ST14: variants seen among roughly 807,000 people sequenced by gnomAD.
The protein encoded by ST14 is ST14 transmembrane serine protease matriptase.
In ST14, 40 loss-of-function variants were observed where a neutral mutation model predicts 96.5. That is an observed-to-expected ratio of 0.41 (90% CI 0.32 to 0.54). The LOEUF is 0.54. Ranked by LOEUF, ST14 falls within the 20% of genes least tolerant of loss-of-function variation. ST14 has a pLI of 0.17. For synonymous variants in ST14, 506 were observed against 492.1 expected, an observed-to-expected ratio of 1.03 and a Z score of -0.37; for missense variants, 1,066 against 1,188.9, an observed-to-expected ratio of 0.90 and a Z score of 1.52.
At chr11:130,198,096 C>T in intron 12 of ST14, 151 bp downstream of exon 12, 2 of 890,218 alleles carry the variant, frequency 2.2e-6, no homozygotes, top group Non-Finnish European at 3.5e-6. Flanking sequence ...GGCCCCACTC[C>T]CCACCCTGCC....
chr11:130,194,613 C>T (rs368684866), intron 8 of ST14, 27 bp from the exon 9 acceptor site: 1 of 1,612,884 alleles, frequency 6.2e-7, no homozygotes. Context: ...TCCTGATCCT[C>T]TTGCTTTCTC....
intron 1 of ST14, among the ~76,000 whole-genome samples, chr11:130,166,060 A>G (rs999901339): frequency 1.3e-4 from 20 of 152,348 alleles, no homozygotes; most frequent in African/African-American, 4.3e-4. Context: ...ATCATAGACC[A>G]GCTTGTCTGG....
chr11:130,193,685 G>C (rs1953328673), intron 7 of ST14, among the ~76,000 whole-genome samples: 1 of 152,204 alleles, frequency 6.6e-6, no homozygotes, highest in Non-Finnish European at 1.5e-5. Context: ...GGCCAGGCCG[G>C]TCTCGAACTC....
At chr11:130,196,733 G>A (rs1334538996) in intron 11 of ST14, 33 bp downstream of exon 11, 1 of 1,614,132 alleles carries the variant, frequency 6.2e-7, no homozygotes, top group East Asian at 2.2e-5. Context: ...AGGGCTGGCG[G>A]GGGCCTGCAC....
chr11:130,190,705 C>CG lies in ST14; in HGVS notation c.875+17dup, dbSNP rs1205274496. The CG allele has an allele frequency of 1.9e-5, 29 of 1,563,086 alleles. No individual in the cohort carries two copies. The highest frequency in any genetic ancestry group is 7.0e-5 in the South Asian group (6 of 85,298). ...CCACGCCCTGGTGCAGTGAGTACCCCGGGGGGCGGGTAGGGCTGTGGGAGC... is the reference window on the plus strand; with the variant it reads ...CCACGCCCTGGTGCAGTGAGTACCCCGGGGGGGCGGGTAGGGCTGTGGGAGC... On this transcript the variant is annotated intron_variant, in intron 7 of 18. Transcript: ENST00000278742.
At chr11:130,189,997 G>A (rs1465317793) in intron 5 of ST14, 101 bp downstream of exon 5, 1 of 1,610,570 alleles carries the variant, frequency 6.2e-7, no homozygotes, top group Non-Finnish European at 8.5e-7. Flanking sequence ...CCAGGGCCCA[G>A]TGCCCCAGAG....
Position 130,188,337 on chromosome 11 carries a change from C to G in ST14, c.241+64C>G, listed in dbSNP as rs1056282165. 1.6e-5 allele frequency: 26 copies of G among 1,587,594 alleles called. No homozygotes were observed. The highest frequency in any genetic ancestry group is 2.7e-5 in the African/African-American group (2 of 74,592). On this transcript the variant is annotated intron_variant, in intron 2 of 18. Coordinates refer to ENST00000278742, the MANE Select transcript of ST14 (RefSeq NM_021978.4). The surrounding 1 kb of genome is among the most constrained non-coding windows in gnomAD (Gnocchi z 5.4). ...GGGGTGGCTGTCCCTCTTCCCTCAG[C>G]GGACAGACCCAGGGCCACCTACTGA...
chr11:130,200,554 C>T (rs149632949), intron 16 of ST14, among the ~76,000 whole-genome samples: 8 of 152,280 alleles, frequency 5.3e-5, no homozygotes, highest in African/African-American at 1.7e-4. Flanking sequence ...ATGAGGGAAC[C>T]GTGACCAAAA....
At chr11:130,194,954 C>T (rs547488772) in intron 9 of ST14, among the ~76,000 whole-genome samples, 2 of 152,064 alleles carry the variant, frequency 1.3e-5, no homozygotes. Context: ...CCTTTATCAA[C>T]CCCAAAGAGG....
intron 16 of ST14, among the ~76,000 whole-genome samples, chr11:130,203,808 G>T (rs531969524): frequency 6.6e-6 from 1 of 152,016 alleles, no homozygotes; most frequent in Non-Finnish European, 1.5e-5. Flanking sequence ...ATGCGCCACC[G>T]TGCCCGGCTA....
chr11:130,203,627 G>C (rs1953454988), intron 16 of ST14, among the ~76,000 whole-genome samples: 1 of 152,212 alleles, frequency 6.6e-6, no homozygotes, highest in Admixed American at 6.5e-5. Flanking sequence ...TGCTCAGTGT[G>C]AGGGTTTCCT....
chr11:130,178,273 C>A (rs371466821), intron 1 of ST14, among the ~76,000 whole-genome samples: 1 of 152,092 alleles, frequency 6.6e-6, no homozygotes, highest in African/African-American at 2.4e-5. Flanking sequence ...TCGGTCTTGC[C>A]GGGAAGAGTT....
chr11:130,187,245 G>C lies in ST14; in HGVS notation c.82-869G>C, dbSNP rs1009696478. The stretch of plus-strand genomic sequence containing the variant: ...CCATGGTGCATCCCCAGGATTCAGG[G>C]CGGGCAGACGGCATGTGCTATCGGC... On this transcript the variant is annotated intron_variant, in intron 1 of 18. Transcript: ENST00000278742. This position sits in a 1 kb window ranked among gnomAD's most constrained non-coding sequence, Gnocchi z 4.5. Among the ~76,000 whole-genome samples, 2 of 152,178 alleles carry C rather than the reference G, an allele frequency of 1.3e-5. No homozygotes were observed. The highest frequency in any genetic ancestry group is 4.8e-5 in the African/African-American group (2 of 41,428).
In ST14 at chr11:130,175,174, G is replaced by T. The variant is rs1284782646; in HGVS notation, c.82-12940G>T. Among the ~76,000 whole-genome samples, 89 of 152,042 alleles carry T rather than the reference G, an allele frequency of 5.9e-4. 4 individuals are homozygous for T. Among genetic ancestry groups the T allele is most frequent in the Admixed American group, 5.8e-3 (88 of 15,260 alleles). On this transcript the variant is annotated intron_variant, in intron 1 of 18. Transcript: ENST00000278742. ...TAAGATAGCTGATTTTCTTGGATTC[G>T]TTTGTCCTTGTGTTAGATTTTTTCA...
chr11:130,162,454 A>T (rs1268782990), intron 1 of ST14, among the ~76,000 whole-genome samples: 1 of 152,152 alleles, frequency 6.6e-6, no homozygotes, highest in Non-Finnish European at 1.5e-5. Context: ...TTCCGATCAC[A>T]ATTGCCCTAG....
In ST14 at chr11:130,209,932, A is replaced by G; in HGVS notation, c.*109A>G. ...CCGCTGACTGCACCAGCGCCCCCAG[A>G]ACATACACTGTGAACTCAATCTCCA... On this transcript the variant is annotated 3_prime_UTR_variant, in exon 19 of 19. Transcript: ENST00000278742. 1 of 1,344,260 alleles carries G rather than the reference A, an allele frequency of 7.4e-7. No homozygotes were observed. Among genetic ancestry groups the G allele is most frequent in the Non-Finnish European group, 1.0e-6 (1 of 972,194 alleles). The allele number at this position is 1,344,260 out of a possible 1,614,324, so 83.3% of individuals were successfully genotyped here.
intron 1 of ST14, among the ~76,000 whole-genome samples, chr11:130,182,593 C>T (rs1482434220): frequency 6.6e-6 from 1 of 151,308 alleles, no homozygotes; most frequent in African/African-American, 2.4e-5. Flanking sequence ...GTGATCTGTC[C>T]ACCTTGGCCT....
intron 1 of ST14, among the ~76,000 whole-genome samples, chr11:130,180,381 C>T (rs554212536): frequency 7.9e-5 from 12 of 152,206 alleles, no homozygotes; most frequent in Non-Finnish European, 1.5e-4. Context: ...ACATGAGGAA[C>T]GATCTTTAGA....
intron 1 of ST14, among the ~76,000 whole-genome samples, chr11:130,172,755 G>A (rs1170709855): frequency 6.6e-6 from 1 of 152,194 alleles, no homozygotes; most frequent in East Asian, 1.9e-4. Context: ...GTCCTCTACT[G>A]AGGACAGACA....
Sources: allele counts gnomAD v4.1 joint callset (sites outside exome capture counted in the v4.1 genomes callset), GRCh38; gene constraint gnomAD v4.1.1; non-coding constraint Gnocchi (gnomAD v3.1); transcripts MANE v1.5; gene names NCBI Gene and HGNC (gene_info 2026-07-23, HGNC 2026-07-21).